The following GOLM2 variants were observed in gnomAD, a reference collection of about 807,000 sequenced individuals.
The protein encoded by GOLM2 is golgi membrane protein 2.
GOLM2 carries 26 observed loss-of-function variants against 55.9 expected under a neutral mutation model. That is an observed-to-expected ratio of 0.47 (90% CI 0.34 to 0.65). The LOEUF is 0.65. Among genes scored for constraint, GOLM2 ranks in the 30% least tolerant of loss-of-function variants. The probability of loss-of-function intolerance (pLI) is 0.01; values close to 1 mark genes in which losing one functional copy is unlikely to be tolerated. For synonymous variants in GOLM2, 165 were observed against 194.6 expected (o/e 0.85, Z 1.27); for missense variants, 486 against 531.8 (o/e 0.91, Z 0.85).
chr15:44,342,701 A>G (rs1329708893), intron 6 of GOLM2, among the ~76,000 whole-genome samples: 6 of 152,246 alleles, frequency 3.9e-5, no homozygotes, highest in African/African-American at 1.4e-4. Context: ...GGTAGAAGGA[A>G]ACTTTGAGCT....
chr15:44,329,021 G>A (rs1198783887), intron 3 of GOLM2, among the ~76,000 whole-genome samples: 2 of 152,170 alleles, frequency 1.3e-5, no homozygotes, highest in Admixed American at 6.5e-5. Flanking sequence ...TTGAGTTTGT[G>A]TATGTTGTAG....
intron 1 of GOLM2, among the ~76,000 whole-genome samples, chr15:44,309,002 A>G (rs560181742): frequency 2.0e-5 from 3 of 152,356 alleles, no homozygotes; most frequent in African/African-American, 7.2e-5. Flanking sequence ...GAAAGAAGAC[A>G]TACAAGTGGC....
rs564190411 is a variant in GOLM2, at chr15:44,293,663, A to G, written c.327+4307A>G. Among the ~76,000 whole-genome samples the G allele has an allele frequency of 3.3e-5, 5 of 152,308 alleles. No individual in the cohort carries two copies. The South Asian group carries it at 8.3e-4, about 25-fold the overall frequency. ...CAAAGACCACAGAAGTAAAGTACCA[A>G]TCTCAACACATCATAACATGGGTAT... On this transcript the variant is annotated intron_variant, in intron 1 of 9. Coordinates refer to ENST00000299957, the MANE Select transcript of GOLM2 (RefSeq NM_138423.4).
At chr15:44,304,835 A>G (rs775090706) in intron 1 of GOLM2, among the ~76,000 whole-genome samples, 2 of 152,148 alleles carry the variant, frequency 1.3e-5, no homozygotes, top group African/African-American at 2.4e-5. Context: ...GATTACAGGC[A>G]TAAGCCACCG....
chr15:44,412,620 A>C (rs951999190), intron 9 of GOLM2, among the ~76,000 whole-genome samples: 2 of 152,124 alleles, frequency 1.3e-5, no homozygotes, highest in Non-Finnish European at 1.5e-5. Context: ...ATTTAGAAAA[A>C]AAAATTGATG....
intron 8 of GOLM2, among the ~76,000 whole-genome samples, chr15:44,398,893 C>G (rs955940049): frequency 2.6e-5 from 4 of 151,868 alleles, no homozygotes; most frequent in African/African-American, 7.3e-5. Context: ...GTCTCAAACT[C>G]CTTACCTCTG....
chr15:44,288,893 C>T lies in GOLM2; in HGVS notation c.-137C>T. ...TGCGGCCCCGCCCCCTTCTCCGGCT[C>T]GCAGCCGACCGGTAAGCCCGCCTCC... On this transcript the variant is annotated 5_prime_UTR_variant, in exon 1 of 10. Coordinates refer to ENST00000299957, the MANE Select transcript of GOLM2 (RefSeq NM_138423.4). 1.3e-6 allele frequency: 1 copy of T among 748,818 alleles called. No homozygotes were observed. The highest frequency in any genetic ancestry group is 2.1e-6 in the Non-Finnish European group (1 of 475,346). 46.4% of individuals were successfully genotyped at this position (748,818 alleles called of 1,614,324 possible).
intron 8 of GOLM2, among the ~76,000 whole-genome samples, chr15:44,393,276 A>G (rs955480527): frequency 6.6e-6 from 1 of 152,228 alleles, no homozygotes; most frequent in African/African-American, 2.4e-5. Context: ...AAAAGACATC[A>G]GATACCTTGA....
chr15:44,409,799 CCAGCTACTCA>C (rs1358271313), intron 9 of GOLM2: 2 of 147,298 alleles, frequency 1.4e-5, no homozygotes, highest in Admixed American at 1.4e-4. Context: ...GCCTGTAATC[CCAGCTACTCA>C]AGAGGCTGAG....
intron 6 of GOLM2, among the ~76,000 whole-genome samples, chr15:44,369,070 T>TATAG (rs2079307668): frequency 5.9e-5 from 1 of 16,974 alleles, no homozygotes; most frequent in South Asian, 1.7e-3. Flanking sequence ...GGATATATTA[T>TATAG]ATATATATAT....
chr15:44,402,160 T>G (rs1412149100), intron 8 of GOLM2, among the ~76,000 whole-genome samples: 1 of 151,668 alleles, frequency 6.6e-6, no homozygotes, highest in African/African-American at 2.4e-5. Flanking sequence ...GTTATGAATG[T>G]GTATAATATA....
intron 8 of GOLM2, among the ~76,000 whole-genome samples, chr15:44,386,917 G>A (rs914002657): frequency 1.3e-5 from 2 of 151,634 alleles, no homozygotes; most frequent in African/African-American, 4.8e-5. Context: ...GCTCATGCCT[G>A]TAATCCCAGC....
chr15:44,365,152 G>A lies in GOLM2; in HGVS notation c.803-14538G>A, dbSNP rs1595650838. On this transcript the variant is annotated intron_variant, in intron 6 of 9. Coordinates refer to ENST00000299957, the MANE Select transcript of GOLM2 (RefSeq NM_138423.4). The stretch of plus-strand genomic sequence containing the variant: ...AAAACAACCAAGATATTCTTCAGTA[G>A]GTGAGTGGATAAACTGTGGTACCTT... 2.0e-5 allele frequency among the ~76,000 whole-genome samples: 3 copies of A among 152,262 alleles called. No homozygotes were observed. In the South Asian group the frequency reaches 6.2e-4, roughly 32 times the overall value.
intron 8 of GOLM2, among the ~76,000 whole-genome samples, chr15:44,401,118 T>C (rs973398008): frequency 3.9e-5 from 6 of 152,202 alleles, no homozygotes; most frequent in Non-Finnish European, 7.3e-5. Flanking sequence ...TATTTATCTA[T>C]GTATTTATCT....
intron 6 of GOLM2, among the ~76,000 whole-genome samples, chr15:44,374,992 T>C (rs1234062780): frequency 6.6e-6 from 1 of 152,208 alleles, no homozygotes; most frequent in Non-Finnish European, 1.5e-5. Flanking sequence ...GGTTAAAATA[T>C]AAAGAGAGCT....
At chr15:44,323,460 C>T (rs1257186390) in intron 2 of GOLM2, among the ~76,000 whole-genome samples, 1 of 150,390 alleles carries the variant, frequency 6.6e-6, no homozygotes, top group Non-Finnish European at 1.5e-5. Context: ...CAGAAAGAAA[C>T]CTGGAAAATA....
At chr15:44,299,540 G>A (rs754922805) in intron 1 of GOLM2, among the ~76,000 whole-genome samples, 15 of 151,932 alleles carry the variant, frequency 9.9e-5, no homozygotes, top group African/African-American at 1.7e-4. Flanking sequence ...TGATCCGCCC[G>A]CCTCGGCCTC....
intron 1 of GOLM2, among the ~76,000 whole-genome samples, chr15:44,298,731 T>C (rs909485172): frequency 3.3e-5 from 5 of 152,208 alleles, no homozygotes; most frequent in African/African-American, 1.2e-4. Context: ...AATTTTTTCC[T>C]GCGGGAAAAA....
chr15:44,304,563 C>T (rs1158569814), intron 1 of GOLM2, among the ~76,000 whole-genome samples: 1 of 151,936 alleles, frequency 6.6e-6, no homozygotes, highest in African/African-American at 2.4e-5. Context: ...ACTTCTATTT[C>T]TAGTTCTCTC....
Sources: allele counts gnomAD v4.1 joint callset (sites outside exome capture counted in the v4.1 genomes callset), GRCh38; gene constraint gnomAD v4.1.1; transcripts MANE v1.5; gene names NCBI Gene and HGNC (gene_info 2026-07-23, HGNC 2026-07-21).